MROH9: variants seen among roughly 807,000 people sequenced by gnomAD.
The protein encoded by MROH9 is maestro heat-like repeat-containing protein family member 9.
A neutral mutation model predicts 98.2 loss-of-function variants in MROH9; 92 were observed. The observed-to-expected ratio is 0.94, with a 90% confidence interval of 0.79 to 1.11. MROH9 has a LOEUF of 1.11. Among genes scored for constraint, MROH9 ranks in the 50% most tolerant of loss-of-function variants. MROH9 has a pLI of 0.00. For missense variants in MROH9, 1,057 were observed against 1,014.8 expected, an observed-to-expected ratio of 1.04 and a Z score of -0.57; for synonymous variants, 397 against 368.9, an observed-to-expected ratio of 1.08 and a Z score of -0.87.
intron 3 of MROH9, among the ~76,000 whole-genome samples, chr1:170,951,041 T>G (rs1649534348): frequency 6.6e-6 from 1 of 152,060 alleles, no homozygotes; most frequent in African/African-American, 2.4e-5. Flanking sequence ...GAAAGATGTC[T>G]TCCTATGTGG....
At chr1:170,953,737 G>T (rs1466772371) in intron 3 of MROH9, among the ~76,000 whole-genome samples, 7 of 130,956 alleles carry the variant, frequency 5.3e-5, no homozygotes, top group African/African-American at 2.0e-4. Context: ...GGAAAGAAAA[G>T]AAAAGAAAAG....
chr1:170,986,998 G>A (rs1484097314), intron 10 of MROH9, among the ~76,000 whole-genome samples: 1 of 151,970 alleles, frequency 6.6e-6, no homozygotes, highest in African/African-American at 2.4e-5. Context: ...CTACAGGCAT[G>A]TACCACCACA....
At chr1:170,958,422 A>AATT (rs2101888834) in intron 3 of MROH9, 39 bp from the exon 4 acceptor site, 2 of 1,174,194 alleles carry the variant, frequency 1.7e-6, no homozygotes, top group Non-Finnish European at 1.2e-6. Context: ...TGTAATCATT[A>AATT]ATTCTTCTTT....
chr1:170,953,426 C>A (rs1649633190), intron 3 of MROH9, among the ~76,000 whole-genome samples: 2 of 151,638 alleles, frequency 1.3e-5, no homozygotes. Flanking sequence ...AAAACTTTTC[C>A]TAACCAAAAA....
chr1:171,026,868 G>C (rs551904837), intron 20 of MROH9, among the ~76,000 whole-genome samples: 1 of 152,178 alleles, frequency 6.6e-6, no homozygotes, highest in Admixed American at 6.5e-5. Flanking sequence ...CAAGCATACA[G>C]GGAATCTGGG....
chr1:170,967,381 A>C (rs2101899095), intron 7 of MROH9, among the ~76,000 whole-genome samples: 1 of 152,326 alleles, frequency 6.6e-6, no homozygotes, highest in East Asian at 1.9e-4. Context: ...AAGATGATTA[A>C]GCCTGTGAAA....
chr1:171,057,170 G>T (rs919516361), intron 20 of MROH9, among the ~76,000 whole-genome samples: 2 of 152,154 alleles, frequency 1.3e-5, no homozygotes, highest in African/African-American at 4.8e-5. Context: ...AAACTACACT[G>T]ATTAAAGGAT....
intron 2 of MROH9, 72 bp downstream of exon 2, chr1:170,945,653 G>A: frequency 7.5e-7 from 1 of 1,326,460 alleles, no homozygotes; most frequent in Non-Finnish European, 1.0e-6. Flanking sequence ...AGTGACAGAT[G>A]ACAGAGAGAA....
chr1:170,946,509 AT>A (rs1649336885), intron 2 of MROH9, among the ~76,000 whole-genome samples: 1 of 152,014 alleles, frequency 6.6e-6, no homozygotes, highest in Non-Finnish European at 1.5e-5. Flanking sequence ...TAAAGTCTGA[AT>A]TTTAGTTAAT....
At chr1:171,014,035 C>A (rs935757449) in intron 15 of MROH9, 82 bp from the exon 16 acceptor site, 13 of 1,168,224 alleles carry the variant, frequency 1.1e-5, no homozygotes, top group Non-Finnish European at 1.4e-5. Context: ...TCTAGTTTTA[C>A]CTAGAATATC....
At chr1:171,031,976 C>G (rs1652930225) in intron 20 of MROH9, among the ~76,000 whole-genome samples, 2 of 152,108 alleles carry the variant, frequency 1.3e-5, no homozygotes, top group South Asian at 2.1e-4. Context: ...TTCTTCATTC[C>G]TTTTCATTCT....
chr1:170,957,911 C>T (rs1649835526), intron 3 of MROH9, among the ~76,000 whole-genome samples: 1 of 151,952 alleles, frequency 6.6e-6, no homozygotes, highest in Non-Finnish European at 1.5e-5. Context: ...CGGGTTCACG[C>T]CATTCTCCTG....
At chr1:171,060,302 T>C (rs912405398) in intron 20 of MROH9, among the ~76,000 whole-genome samples, 2 of 152,208 alleles carry the variant, frequency 1.3e-5, no homozygotes, top group Non-Finnish European at 2.9e-5. Context: ...CATACAGGGA[T>C]ATATTATGCT....
intron 15 of MROH9, among the ~76,000 whole-genome samples, chr1:171,007,453 C>T (rs1652000063): frequency 6.6e-6 from 1 of 152,152 alleles, no homozygotes; most frequent in South Asian, 2.1e-4. Flanking sequence ...TGGCTCCAGA[C>T]AATGACTAGC....
rs764211233 is a variant in MROH9 at position 170,959,612 on chromosome 1, C to T, written c.288+15C>T. 6.2e-6 allele frequency: 10 copies of T among 1,608,896 alleles called. No homozygotes were observed. The highest frequency in any genetic ancestry group is 4.5e-5 in the South Asian group (4 of 89,810). On this transcript the variant is annotated intron_variant, in intron 5 of 21. Transcript: ENST00000367759. ...AGGACATGGAGGTAAAATTTTTCTT[C>T]CTTTAATCATTATAGGATGTTATTA... is the stretch of plus-strand genomic sequence containing the variant.
Position 170,989,937 on chromosome 1 carries a change from T to C in MROH9, c.962T>C (p.Leu321Ser), listed in dbSNP as rs1651287744. The C allele has an allele frequency of 6.2e-7, 1 of 1,613,444 alleles. No homozygotes were observed. The highest frequency in any genetic ancestry group is 8.5e-7 in the Non-Finnish European group (1 of 1,179,608). ...MKDVMLQVITLLTCTSPKKVI... is the reference protein window; with the variant it reads ...MKDVMLQVITSLTCTSPKKVI... ...GATGTTATGTTGCAGGTTATCACTTTGTTGACATGCACTTCACCCAAGAAG... is the reference window on the plus strand; with the variant it reads ...GATGTTATGTTGCAGGTTATCACTTCGTTGACATGCACTTCACCCAAGAAG... Residue 321 changes from leucine (L) to serine (S), a missense_variant, in exon 11 of 22, where the codon TTG becomes TCG. By Grantham distance (145) the Leu-to-Ser change is moderately radical. Coordinates refer to ENST00000367759, the MANE Select transcript of MROH9 (RefSeq NM_001163629.2).
intron 3 of MROH9, among the ~76,000 whole-genome samples, chr1:170,951,647 A>G (rs1483000224): frequency 6.6e-6 from 1 of 152,146 alleles, no homozygotes. Flanking sequence ...GCAGGGAAAG[A>G]CACCTCCTAG....
rs368849976 is a variant in MROH9 at position 170,959,463 on chromosome 1, T to C, written c.154T>C (p.Phe52Leu). ...ESMILAVNSS[F>L]VDPLLQFESQ... ...ATAATTGCTCCTTTTTCTTGTCAGC[T>C]TTGTGGATCCCTTACTGCAGTTTGA... The change falls in exon 5 of 22, where the codon TTT becomes CTT. Residue 52 changes from phenylalanine to leucine, a missense_variant and splice_region_variant. By Grantham distance (22) the Phe-to-Leu change is conservative. Transcript: ENST00000367759. 6.3e-7 allele frequency: 1 copy of C among 1,598,876 alleles called. No homozygotes were observed. The highest frequency in any genetic ancestry group is 8.5e-7 in the Non-Finnish European group (1 of 1,174,458).
chr1:171,020,134 G>C (rs1557901011), intron 17 of MROH9, among the ~76,000 whole-genome samples: 2 of 152,034 alleles, frequency 1.3e-5, no homozygotes, highest in East Asian at 3.9e-4. Context: ...ATAGCCTACT[G>C]ATAAAAAAAA....
Sources: gnomAD v4.1 joint callset for allele counts (sites outside exome capture counted in the v4.1 genomes callset) on GRCh38, gnomAD v4.1.1 for gene constraint, MANE v1.5 for transcripts, NCBI Gene and HGNC (gene_info 2026-07-23, HGNC 2026-07-21) for gene names.